Variants in ERI3 observed in about 807,000 individuals in gnomAD.
The protein encoded by ERI3 is ERI1 exoribonuclease 3.
A neutral mutation model predicts 44.4 loss-of-function variants in ERI3; 18 were observed. The observed-to-expected ratio is 0.41, with a 90% CI of 0.28 to 0.60. The LOEUF (loss-of-function observed/expected upper bound fraction) is 0.60. ERI3 is among the 20% of genes least tolerant of loss of function. The probability of loss-of-function intolerance (pLI) is 0.36; values close to 1 mark genes in which losing one functional copy is unlikely to be tolerated. For synonymous variants in ERI3, 183 were observed against 164.8 expected, an observed-to-expected ratio of 1.11 and a Z score of -0.84; for missense variants, 294 against 435.5, an observed-to-expected ratio of 0.68 and a Z score of 2.89.
intron 6 of ERI3, among the ~76,000 whole-genome samples, chr1:44,303,696 T>C (rs146314251): frequency 2.6e-5 from 4 of 151,486 alleles, no homozygotes; most frequent in African/African-American, 9.7e-5. Flanking sequence ...CAGAGAGTAA[T>C]GAGAAGTGAG....
chr1:44,333,796 ATC>A (rs1318371989), intron 3 of ERI3, among the ~76,000 whole-genome samples: 1 of 152,156 alleles, frequency 6.6e-6, no homozygotes, highest in Non-Finnish European at 1.5e-5. Context: ...TACATTAGCC[ATC>A]TCTGTTACCA....
intron 6 of ERI3, among the ~76,000 whole-genome samples, chr1:44,302,047 A>G (rs1320791501): frequency 6.6e-6 from 1 of 152,144 alleles, no homozygotes; most frequent in African/African-American, 2.4e-5. Flanking sequence ...AGAGAGCTGG[A>G]GGGTGGGCTT....
Position 44,304,006 on chromosome 1 carries a change from GGATA to G in ERI3, c.758+4300_758+4303del, listed in dbSNP as rs768079930. ...ACAGGATTTGGCAATTAATTGGTGTGGATAGAGAAGGGATAATTTTCAGATTTCC... is the reference window on the plus strand; with the variant it reads ...ACAGGATTTGGCAATTAATTGGTGTGGAGAAGGGATAATTTTCAGATTTCC... On this transcript the variant is annotated intron_variant, in intron 6 of 8. Coordinates refer to ENST00000372257, the MANE Select transcript of ERI3 (RefSeq NM_024066.3). Among the ~76,000 whole-genome samples the G allele has an allele frequency of 2.3e-4, 35 of 152,260 alleles. 1 individual carries two copies. The South Asian group carries it at 3.7e-3, about 16-fold the overall frequency.
In ERI3 at chr1:44,252,974, T is replaced by C. The variant is rs1356491778; in HGVS notation, c.832-4936A>G. Among the ~76,000 whole-genome samples, 1 of 152,208 alleles carries C rather than the reference T, an allele frequency of 6.6e-6. No homozygotes were observed. Among genetic ancestry groups the C allele is most frequent in the Non-Finnish European group, 1.5e-5 (1 of 68,036 alleles). On this transcript the variant is annotated intron_variant, in intron 7 of 8. Transcript: ENST00000372257. This position sits in a 1 kb window ranked among gnomAD's most constrained non-coding sequence, Gnocchi z 4.7. ...AGGAGCAGGCCTTTAACCATACCTC[T>C]GGATGACTTGTCACCCTGCAGGTGA...
At chr1:44,322,737 C>T (rs1417714443) in intron 3 of ERI3, 5 of 1,548,980 alleles carry the variant, frequency 3.2e-6, no homozygotes, top group East Asian at 2.4e-5. Context: ...TCCCATATTG[C>T]CCAGCCAGTA....
chr1:44,266,256 G>A (rs1012045990), intron 7 of ERI3, among the ~76,000 whole-genome samples: 3 of 152,182 alleles, frequency 2.0e-5, no homozygotes, highest in Non-Finnish European at 4.4e-5. Context: ...GTTAAGTCTT[G>A]AAGGATAAGC....
chr1:44,311,015 A>G (rs60405316), intron 5 of ERI3, among the ~76,000 whole-genome samples: 17 of 143,482 alleles, frequency 1.2e-4, no homozygotes, highest in African/African-American at 3.9e-4. Flanking sequence ...ACACACACAC[A>G]CGTGCAGGAA....
chr1:44,304,731 C>T (rs1027816831), intron 6 of ERI3, among the ~76,000 whole-genome samples: 2 of 152,220 alleles, frequency 1.3e-5, no homozygotes, highest in Admixed American at 6.5e-5. Context: ...TGAGTGCATG[C>T]TCCCCATCTC....
chr1:44,221,697 A>T lies in ERI3; in HGVS notation c.932-57T>A. 2.7e-5 allele frequency: 35 copies of T among 1,315,432 alleles called. No homozygotes were observed. The highest frequency in any genetic ancestry group is 3.6e-5 in the Non-Finnish European group (33 of 912,436). 81.5% of individuals were successfully genotyped at this position (1,315,432 alleles called of 1,614,324 possible). A position where few individuals can be genotyped will look rare whatever the true frequency, so the allele number is the denominator to read the frequency against. On this transcript the variant is annotated intron_variant, in intron 8 of 8. Coordinates refer to ENST00000372257, the MANE Select transcript of ERI3 (RefSeq NM_024066.3). This position sits in a 1 kb window ranked among gnomAD's most constrained non-coding sequence, Gnocchi z 5.9. ...CCAGATCCTTCCCCTCCATGCCCAC[A>T]GGTGCTCTTACAAGGGTGGGGGTGG...
intron 2 of ERI3, among the ~76,000 whole-genome samples, chr1:44,342,846 T>TATATATATAA (rs1646703566): frequency 5.8e-5 from 2 of 34,522 alleles, no homozygotes; most frequent in Non-Finnish European, 1.0e-4. Context: ...TATATATATA[T>TATATATATAA]ATATATATAT....
chr1:44,241,947 G>A lies in ERI3; in HGVS notation c.931+5992C>T. ...TCTAGCCATTCTTCCATCTATGGTT[G>A]CTACTGAAGAACAGTCTGGTGTCTG... On this transcript the variant is annotated intron_variant, in intron 8 of 8. Coordinates refer to ENST00000372257, the MANE Select transcript of ERI3 (RefSeq NM_024066.3). The surrounding 1 kb of genome is among the most constrained non-coding windows in gnomAD (Gnocchi z 5.6). 1 of 985,660 alleles carries A rather than the reference G, an allele frequency of 1.0e-6. No homozygotes were observed. Among genetic ancestry groups the A allele is most frequent in the Middle Eastern group, 5.2e-4 (1 of 1,914 alleles). 61.1% of individuals were successfully genotyped at this position (985,660 alleles called of 1,614,324 possible). A position where few individuals can be genotyped will look rare whatever the true frequency, so the allele number is the denominator to read the frequency against.
rs927544177 is a variant in ERI3 at position 44,334,870 on chromosome 1, G to A, written c.489+4175C>T. Among the ~76,000 whole-genome samples the A allele has an allele frequency of 1.3e-5, 2 of 152,326 alleles. 1 individual carries two copies. Among genetic ancestry groups the A allele is most frequent in the South Asian group, 4.1e-4 (2 of 4,832 alleles). ...TTCGTGATGGCATTCCTTTAAGATA[G>A]TCCCAATAAGCTGACTCAACTAACT... On this transcript the variant is annotated intron_variant, in intron 3 of 8. Coordinates refer to ENST00000372257, the MANE Select transcript of ERI3 (RefSeq NM_024066.3).
At chr1:44,276,458 T>C (rs1057084061) in intron 7 of ERI3, among the ~76,000 whole-genome samples, 1 of 152,224 alleles carries the variant, frequency 6.6e-6, no homozygotes, top group African/African-American at 2.4e-5. Context: ...TACATCCTTA[T>C]GGAGGTCTCT....
chr1:44,331,997 T>C (rs1165399099), intron 3 of ERI3, among the ~76,000 whole-genome samples: 1 of 152,226 alleles, frequency 6.6e-6, no homozygotes, highest in East Asian at 1.9e-4. Context: ...TCTGCCCTCC[T>C]TGACTATGAG....
chr1:44,313,126 A>T, intron 5 of ERI3, 43 bp downstream of exon 5: 1 of 1,568,178 alleles, frequency 6.4e-7, no homozygotes, highest in Non-Finnish European at 8.8e-7. Context: ...GAAAGGCAGC[A>T]GGAAGGGGTC....
chr1:44,247,792 C>T (rs1644585587), intron 8 of ERI3, 147 bp downstream of exon 8: 2 of 548,130 alleles, frequency 3.6e-6, no homozygotes, highest in African/African-American at 3.9e-5. Flanking sequence ...TCTCATGCCA[C>T]CCCCCTTCCA....
chr1:44,290,673 CTT>C (rs1645487843), intron 6 of ERI3, among the ~76,000 whole-genome samples: 2 of 152,272 alleles, frequency 1.3e-5, no homozygotes, highest in Admixed American at 1.3e-4. Flanking sequence ...GGACACAGCT[CTT>C]TGTCTCTCCT....
intron 3 of ERI3, among the ~76,000 whole-genome samples, chr1:44,325,662 G>GT (rs879713943): frequency 1.5e-4 from 23 of 151,978 alleles, no homozygotes; most frequent in Non-Finnish European, 2.6e-4. Flanking sequence ...TATAAATTCT[G>GT]TTTTTTTGTT....
At chr1:44,353,723 T>C (rs1646941619) in intron 1 of ERI3, 33 of 985,490 alleles carry the variant, frequency 3.3e-5, no homozygotes, top group Non-Finnish European at 4.0e-5. Flanking sequence ...CCAAGCTCTA[T>C]GACCTAGCTA....
Sources: allele counts gnomAD v4.1 joint callset (sites outside exome capture counted in the v4.1 genomes callset), GRCh38; gene constraint gnomAD v4.1.1; non-coding constraint Gnocchi (gnomAD v3.1); transcripts MANE v1.5; gene names NCBI Gene and HGNC (gene_info 2026-07-23, HGNC 2026-07-21).